Variants in VWA8 observed in about 807,000 individuals in gnomAD.
The protein encoded by VWA8 is von Willebrand factor A domain-containing protein 8.
Under a neutral mutation model 241.5 loss-of-function variants are expected in VWA8, and 221 were observed. The ratio of observed to expected loss-of-function variants is 0.91; its 90% confidence interval spans 0.82 to 1.02. The LOEUF is 1.02. Ranked by LOEUF, VWA8 falls within the 50% of genes least tolerant of loss-of-function variation. VWA8 has a pLI of 0.00. For synonymous variants in VWA8, 852 were observed against 827.1 expected (o/e 1.03, Z -0.52); for missense variants, 2,322 against 2,328.7 (o/e 1.00, Z 0.06).
At chr13:41,590,498 C>CTTTTTTTTTTTT (rs5803096) in intron 41 of VWA8, 142 bp downstream of exon 41, 1 of 598,450 alleles carries the variant, frequency 1.7e-6, no homozygotes, top group Non-Finnish European at 2.4e-6. Flanking sequence ...TCTTCTTCTT[C>CTTTTTTTTTTTT]TTTTTTTTTT....
chr13:41,634,651 G>A (rs1480216561), intron 37 of VWA8, among the ~76,000 whole-genome samples: 1 of 151,816 alleles, frequency 6.6e-6, no homozygotes, highest in Non-Finnish European at 1.5e-5. Flanking sequence ...AACTCTCTGT[G>A]TGATGCCAGA....
chr13:41,957,652 G>C (rs1878409189), intron 1 of VWA8, among the ~76,000 whole-genome samples: 1 of 152,068 alleles, frequency 6.6e-6, no homozygotes, highest in African/African-American at 2.4e-5. Flanking sequence ...AATCTGATAG[G>C]ATTAATGCTA....
At chr13:41,592,975 G>A (rs993170498) in intron 40 of VWA8, among the ~76,000 whole-genome samples, 3 of 152,224 alleles carry the variant, frequency 2.0e-5, no homozygotes, top group Non-Finnish European at 4.4e-5. Flanking sequence ...ATTTATTGCA[G>A]TGGATAAAAC....
chr13:41,829,384 C>G (rs879267791), intron 14 of VWA8, among the ~76,000 whole-genome samples: 1 of 152,050 alleles, frequency 6.6e-6, no homozygotes, highest in Non-Finnish European at 1.5e-5. Flanking sequence ...AGCAATCCCA[C>G]TACTGGGTAT....
chr13:41,660,884 T>A (rs2044945025), intron 37 of VWA8, among the ~76,000 whole-genome samples: 1 of 152,072 alleles, frequency 6.6e-6, no homozygotes, highest in African/African-American at 2.4e-5. Flanking sequence ...GGTTTCTTTT[T>A]TTTTTTTTTT....
intron 37 of VWA8, among the ~76,000 whole-genome samples, chr13:41,648,995 C>T (rs1386326343): frequency 1.3e-5 from 2 of 152,126 alleles, no homozygotes; most frequent in Non-Finnish European, 2.9e-5. Context: ...ACCAGCTTGG[C>T]CAACATGGTG....
intron 18 of VWA8, 62 bp downstream of exon 18, chr13:41,787,375 C>T: frequency 7.7e-7 from 1 of 1,305,718 alleles, no homozygotes; most frequent in Non-Finnish European, 1.1e-6. Context: ...TTAAAATAAA[C>T]AGCATCAAAT....
intron 40 of VWA8, among the ~76,000 whole-genome samples, chr13:41,592,941 T>A (rs2044465939): frequency 6.6e-6 from 1 of 152,224 alleles, no homozygotes; most frequent in Non-Finnish European, 1.5e-5. Context: ...AAGAGCCTGG[T>A]GAGCCGTGTT....
intron 16 of VWA8, among the ~76,000 whole-genome samples, chr13:41,812,808 C>A (rs1361162361): frequency 6.6e-6 from 1 of 152,112 alleles, no homozygotes; most frequent in East Asian, 1.9e-4. Flanking sequence ...CAATTACAAG[C>A]AGACATTGGT....
At chr13:41,590,875 A>T in intron 40 of VWA8, 110 bp from the exon 41 acceptor site, 2 of 1,343,734 alleles carry the variant, frequency 1.5e-6, no homozygotes, top group Non-Finnish European at 2.1e-6. Flanking sequence ...TCAGTAAGTG[A>T]TGGTTCTGCA....
intron 33 of VWA8, 144 bp from the exon 34 acceptor site, chr13:41,689,652 G>C: frequency 1.2e-6 from 1 of 863,540 alleles, no homozygotes. Context: ...ATGGGCTTTT[G>C]TTTGAAAAAA....
chr13:41,804,044 A>G (rs1383887097), intron 17 of VWA8, among the ~76,000 whole-genome samples: 2 of 152,214 alleles, frequency 1.3e-5, no homozygotes, highest in East Asian at 3.9e-4. Flanking sequence ...TACAAGATCT[A>G]GAAAATGGCC....
intron 10 of VWA8, 71 bp downstream of exon 10, chr13:41,868,275 A>C: frequency 6.3e-7 from 1 of 1,577,686 alleles, no homozygotes; most frequent in Non-Finnish European, 8.7e-7. Flanking sequence ...GGAGATCATA[A>C]ACCCAATTTA....
At chr13:41,614,109 C>A (rs540285445) in intron 38 of VWA8, among the ~76,000 whole-genome samples, 17 of 152,326 alleles carry the variant, frequency 1.1e-4, no homozygotes, top group African/African-American at 3.8e-4. Flanking sequence ...AAGGACATTT[C>A]TAAAAATAGC....
intron 12 of VWA8, 53 bp downstream of exon 12, chr13:41,865,683 G>A (rs1248019235): frequency 1.3e-6 from 2 of 1,572,262 alleles, no homozygotes; most frequent in South Asian, 2.3e-5. Flanking sequence ...TTCTGCTGAT[G>A]GCCTAAGCAT....
At chr13:41,668,226 G>A (rs2044999488) in intron 37 of VWA8, among the ~76,000 whole-genome samples, 1 of 152,158 alleles carries the variant, frequency 6.6e-6, no homozygotes, top group South Asian at 2.1e-4. Context: ...AGCCCTCACT[G>A]CTGACCTAAA....
intron 12 of VWA8, among the ~76,000 whole-genome samples, chr13:41,854,422 T>A (rs1192126714): frequency 6.6e-6 from 1 of 151,132 alleles, no homozygotes; most frequent in African/African-American, 2.4e-5. Flanking sequence ...CAGACTATGA[T>A]GGTGCATAAG....
At chr13:41,868,781 G>A (rs968351995) in intron 9 of VWA8, among the ~76,000 whole-genome samples, 9 of 151,186 alleles carry the variant, frequency 6.0e-5, no homozygotes, top group Admixed American at 2.6e-4. Flanking sequence ...CCAGCTACTC[G>A]GGAGGCTGAG....
At chr13:41,861,443 A>C (rs1419293466) in intron 12 of VWA8, among the ~76,000 whole-genome samples, 1 of 152,182 alleles carries the variant, frequency 6.6e-6, no homozygotes, top group Non-Finnish European at 1.5e-5. Context: ...ATAGTACTAG[A>C]AGTCCTAGCC....
Sources: gnomAD v4.1 joint callset for allele counts (sites outside exome capture counted in the v4.1 genomes callset) on GRCh38, gnomAD v4.1.1 for gene constraint, MANE v1.5 for transcripts, NCBI Gene and HGNC (gene_info 2026-07-23, HGNC 2026-07-21) for gene names.